Variants in PCDHA5 observed in about 807,000 individuals in gnomAD.
PCDHA5 encodes the protein protocadherin alpha-5.
In PCDHA5, 43 loss-of-function variants were observed where a neutral mutation model predicts 61.6. The ratio of observed to expected loss-of-function variants is 0.70; its 90% CI spans 0.55 to 0.90. PCDHA5 has a LOEUF of 0.90. Among genes scored for constraint, PCDHA5 ranks in the 40% least tolerant of loss-of-function variants. PCDHA5 has a pLI of 0.00. For missense variants in PCDHA5, 1,298 were observed against 1,222.7 expected, an observed-to-expected ratio of 1.06 and a Z score of -0.92; for synonymous variants, 627 against 543.9, an observed-to-expected ratio of 1.15 and a Z score of -2.13.
In PCDHA5 at chr5:140,857,269, G is replaced by T. The variant is rs375802816; in HGVS notation, c.2352+33142G>T. 8.1e-6 allele frequency: 13 copies of T among 1,598,726 alleles called. 1 individual carries two copies. The highest frequency in any genetic ancestry group is 1.1e-5 in the South Asian group (1 of 90,558). On this transcript the variant is annotated intron_variant, in intron 1 of 3. Coordinates refer to ENST00000529859, the MANE Select transcript of PCDHA5 (RefSeq NM_018908.3). ...CCTACAAGAATTACTACTCATTGGT[G>T]CTGGACAGCGCTCTGGACCGCGAGA... is the stretch of plus-strand genomic sequence containing the variant.
In PCDHA5 at chr5:140,870,962, C is replaced by A. The variant is rs1489353896; in HGVS notation, c.2352+46835C>A. 7 of 1,613,532 alleles carry A rather than the reference C, an allele frequency of 4.3e-6. No individual in the cohort carries two copies. In the Admixed American group the frequency reaches 1.2e-4, roughly 27 times the overall value. On this transcript the variant is annotated intron_variant, in intron 1 of 3. Transcript: ENST00000529859. Reference sequence around the variant, plus strand: ...CCGGCGGCGGGCGGCTCGCGCATCCCGTTCCGCGTGGGGCTGTACACGGGC... The same window carrying A: ...CCGGCGGCGGGCGGCTCGCGCATCCAGTTCCGCGTGGGGCTGTACACGGGC...
chr5:140,963,365 T>C (rs2095759439), intron 1 of PCDHA5, among the ~76,000 whole-genome samples: 1 of 152,254 alleles, frequency 6.6e-6, no homozygotes. Flanking sequence ...CAAAGAACAT[T>C]AATTGAGCAC....
chr5:140,953,881 A>G (rs1481970999), intron 1 of PCDHA5, among the ~76,000 whole-genome samples: 2 of 152,130 alleles, frequency 1.3e-5, no homozygotes, highest in Non-Finnish European at 2.9e-5. Flanking sequence ...AGATCAACCC[A>G]TCACCTAGGT....
At chr5:140,929,294 G>A in intron 1 of PCDHA5, 1 of 1,594,058 alleles carries the variant, frequency 6.3e-7, no homozygotes, top group Non-Finnish European at 8.6e-7. Flanking sequence ...ATTCGGAATA[G>A]GAAAGGGGAT....
intron 1 of PCDHA5, chr5:140,969,405 C>T (rs781817372): frequency 6.3e-7 from 1 of 1,577,066 alleles, no homozygotes; most frequent in Non-Finnish European, 8.6e-7. Flanking sequence ...TGTGATTTGG[C>T]TTTATTGAGT....
intron 1 of PCDHA5, chr5:140,969,343 G>C: frequency 1.2e-6 from 2 of 1,613,728 alleles, no homozygotes; most frequent in Non-Finnish European, 1.7e-6. Flanking sequence ...TGAGACAGTG[G>C]TCAGGGGGTC....
chr5:140,827,905 C>T, intron 1 of PCDHA5: 1 of 798,712 alleles, frequency 1.3e-6, no homozygotes, highest in Non-Finnish European at 2.0e-6. Flanking sequence ...TTTGGAGCCG[C>T]ATGATGTCGC....
At chr5:140,841,453 C>A (rs2150315811) in intron 1 of PCDHA5, 1 of 1,612,918 alleles carries the variant, frequency 6.2e-7, no homozygotes, top group South Asian at 1.1e-5. Flanking sequence ...ACGGCACCTT[C>A]GTGGGCCGGA....
chr5:140,904,397 T>G (rs2071090298), intron 1 of PCDHA5, among the ~76,000 whole-genome samples: 1 of 151,416 alleles, frequency 6.6e-6, no homozygotes, highest in East Asian at 1.9e-4. Flanking sequence ...TATTCCATGG[T>G]GTATTATATA....
chr5:140,824,612 T>TG (rs1423222096), intron 1 of PCDHA5: 8 of 117,268 alleles, frequency 6.8e-5, no homozygotes, highest in African/African-American at 3.2e-4. Context: ...TAATTAAAGT[T>TG]TTTTTTTTTT....
chr5:140,879,955 A>G (rs1554171094), intron 1 of PCDHA5, among the ~76,000 whole-genome samples: 1 of 152,206 alleles, frequency 6.6e-6, no homozygotes, highest in Non-Finnish European at 1.5e-5. Context: ...GCCCATCTGG[A>G]TAATCCAGGA....
rs782413551 is a variant in PCDHA5, at chr5:141,009,873, A to G, written c.2747A>G (p.Lys916Arg). Residue 916 changes from lysine to arginine, a missense_variant, in exon 4 of 4, where the codon AAG becomes AGG. By Grantham distance (26) the Lys-to-Arg change is conservative. Coordinates refer to ENST00000529859, the MANE Select transcript of PCDHA5 (RefSeq NM_018908.3). ...EETKKKKKKK[K>R]GNKTQEKKEK... The stretch of plus-strand genomic sequence containing the variant: ...ACCAAGAAAAAGAAGAAAAAGAAGA[A>G]GGGTAACAAGACCCAGGAGAAAAAA... 6.2e-7 allele frequency: 1 copy of G among 1,614,034 alleles called. No individual in the cohort carries two copies. The highest frequency in any genetic ancestry group is 8.5e-7 in the Non-Finnish European group (1 of 1,180,008).
intron 1 of PCDHA5, chr5:140,843,071 T>C (rs2150189286): frequency 2.5e-6 from 4 of 1,595,230 alleles, no homozygotes; most frequent in East Asian, 2.2e-5. Context: ...GGTGCCGCGG[T>C]CTGTGGGCGC....
At chr5:140,848,380 T>A in intron 1 of PCDHA5, 1 of 1,186,720 alleles carries the variant, frequency 8.4e-7, no homozygotes, top group Non-Finnish European at 1.2e-6. Context: ...CAATTCTTTT[T>A]CACTCTCTCT....
At chr5:140,938,187 C>A (rs1584944424) in intron 1 of PCDHA5, among the ~76,000 whole-genome samples, 1 of 152,276 alleles carries the variant, frequency 6.6e-6, no homozygotes, top group Non-Finnish European at 1.5e-5. Context: ...CTCAAGCAAT[C>A]CTCCCACGCC....
chr5:140,964,531 C>T (rs781961669), intron 1 of PCDHA5, among the ~76,000 whole-genome samples: 4 of 152,058 alleles, frequency 2.6e-5, no homozygotes, highest in Non-Finnish European at 5.9e-5. Context: ...CTCTGAGCTG[C>T]GTGCAGAGAT....
intron 3 of PCDHA5, among the ~76,000 whole-genome samples, chr5:140,995,409 A>G (rs1056120944): frequency 2.6e-4 from 39 of 152,210 alleles, no homozygotes; most frequent in Admixed American, 6.5e-5. Flanking sequence ...TCGAGATTTC[A>G]TCACATTACT....
At chr5:140,986,852 A>G (rs889945842) in intron 3 of PCDHA5, among the ~76,000 whole-genome samples, 1 of 152,190 alleles carries the variant, frequency 6.6e-6, no homozygotes, top group Admixed American at 6.5e-5. Flanking sequence ...CAGCAACACC[A>G]ACAATACCCG....
At chr5:140,960,177 G>C (rs2095530246) in intron 1 of PCDHA5, among the ~76,000 whole-genome samples, 1 of 152,052 alleles carries the variant, frequency 6.6e-6, no homozygotes, top group Non-Finnish European at 1.5e-5. Flanking sequence ...CTTAAGTTAG[G>C]GGTTGCATGT....
Sources: allele counts gnomAD v4.1 joint callset (sites outside exome capture counted in the v4.1 genomes callset), GRCh38; gene constraint gnomAD v4.1.1; transcripts MANE v1.5; gene names NCBI Gene and HGNC (gene_info 2026-07-23, HGNC 2026-07-21).